NEGR1: variants seen among roughly 807,000 people sequenced by gnomAD.
NEGR1 encodes neuronal growth regulator 1.
A neutral mutation model predicts 40.9 loss-of-function variants in NEGR1; 10 were observed. The observed-to-expected ratio is 0.24, with a 90% CI of 0.15 to 0.42. NEGR1 has a LOEUF of 0.42. NEGR1 is among the 10% of genes least tolerant of loss of function. The pLI is 1.00. For missense variants in NEGR1, 352 were observed against 438.9 expected, an observed-to-expected ratio of 0.80 and a Z score of 1.77; for synonymous variants, 185 against 166.8, an observed-to-expected ratio of 1.11 and a Z score of -0.84.
chr1:71,593,153 T>C (rs1289326183), intron 5 of NEGR1, among the ~76,000 whole-genome samples, 185 bp from the exon 6 acceptor site: 1 of 152,186 alleles, frequency 6.6e-6, no homozygotes, highest in African/African-American at 2.4e-5. Flanking sequence ...TGAGGTTGCA[T>C]GTCAGCTGTA....
intron 1 of NEGR1, among the ~76,000 whole-genome samples, chr1:72,013,248 A>G (rs1208142025): frequency 6.6e-6 from 1 of 152,028 alleles, no homozygotes; most frequent in African/African-American, 2.4e-5. Flanking sequence ...ATCCATCCAG[A>G]TGTGGTTACA....
intron 4 of NEGR1, among the ~76,000 whole-genome samples, chr1:71,616,376 G>A (rs1570110299): frequency 6.6e-6 from 1 of 152,316 alleles, no homozygotes; most frequent in Admixed American, 6.5e-5. Context: ...GGGATCTAAG[G>A]TGCACACTCC....
At chr1:71,788,176 T>A (rs1570347351) in intron 2 of NEGR1, among the ~76,000 whole-genome samples, 1 of 152,108 alleles carries the variant, frequency 6.6e-6, no homozygotes, top group Non-Finnish European at 1.5e-5. Context: ...TTTAAAAAAA[T>A]ATTACAAACA....
chr1:71,732,917 A>G (rs1244769106), intron 3 of NEGR1, among the ~76,000 whole-genome samples: 1 of 152,194 alleles, frequency 6.6e-6, no homozygotes, highest in Non-Finnish European at 1.5e-5. Context: ...TCGATTTTCA[A>G]ATAAACCTGG....
At chr1:71,558,064 T>A (rs1358797008) in intron 6 of NEGR1, among the ~76,000 whole-genome samples, 1 of 151,558 alleles carries the variant, frequency 6.6e-6, no homozygotes, top group African/African-American at 2.4e-5. Flanking sequence ...CCCTTCTTTA[T>A]CATATTAAGG....
At chr1:71,972,113 C>G (rs940564304) in intron 1 of NEGR1, among the ~76,000 whole-genome samples, 2 of 152,110 alleles carry the variant, frequency 1.3e-5, no homozygotes, top group African/African-American at 4.8e-5. Context: ...TAATTGTATG[C>G]TAGTCATAAA....
intron 2 of NEGR1, among the ~76,000 whole-genome samples, chr1:71,884,677 A>C (rs1405869702): frequency 6.6e-6 from 1 of 152,190 alleles, no homozygotes; most frequent in Non-Finnish European, 1.5e-5. Context: ...TAGATGACAC[A>C]CTTGCCACTT....
chr1:72,119,368 G>T lies in NEGR1; in HGVS notation c.176+162951C>A, dbSNP rs139358160. ...ACTGCTTTTTCTTTTGTTTCTAATT[G>T]AGTAGTATATGGTCTGTATGAGACA... On this transcript the variant is annotated intron_variant, in intron 1 of 6. Coordinates refer to ENST00000357731, the MANE Select transcript of NEGR1 (RefSeq NM_173808.3). Among the ~76,000 whole-genome samples, 849 of 151,962 alleles carry T rather than the reference G, an allele frequency of 5.6e-3. 5 individuals carry two copies. The highest frequency in any genetic ancestry group is 0.019 in the African/African-American group (809 of 41,500).
At chr1:72,267,755 CATA>C (rs939174731) in intron 1 of NEGR1, among the ~76,000 whole-genome samples, 16 of 151,148 alleles carry the variant, frequency 1.1e-4, no homozygotes, top group Middle Eastern at 3.2e-3. Flanking sequence ...GTCCCTTACA[CATA>C]TTTCAACCAA....
intron 3 of NEGR1, among the ~76,000 whole-genome samples, chr1:71,704,553 C>T (rs1653821588): frequency 6.6e-6 from 1 of 151,264 alleles, no homozygotes; most frequent in Non-Finnish European, 1.5e-5. Flanking sequence ...ATTAAGTGTA[C>T]AAATTTTTTG....
chr1:71,795,672 A>T (rs1464000896), intron 2 of NEGR1, among the ~76,000 whole-genome samples: 1 of 152,208 alleles, frequency 6.6e-6, no homozygotes, highest in Non-Finnish European at 1.5e-5. Flanking sequence ...GTATAATATA[A>T]TCTTCAACTG....
intron 2 of NEGR1, among the ~76,000 whole-genome samples, chr1:71,856,656 C>T (rs1263800012): frequency 6.6e-6 from 1 of 152,042 alleles, no homozygotes; most frequent in Non-Finnish European, 1.5e-5. Context: ...TATCATCTGT[C>T]TACCCATCCA....
At chr1:72,269,647 G>C (rs1227914286) in intron 1 of NEGR1, among the ~76,000 whole-genome samples, 1 of 151,582 alleles carries the variant, frequency 6.6e-6, no homozygotes, top group East Asian at 1.9e-4. Context: ...TCATTGCAGT[G>C]ACCAATACAT....
intron 4 of NEGR1, among the ~76,000 whole-genome samples, chr1:71,648,048 T>A (rs1651590914): frequency 6.6e-6 from 1 of 151,986 alleles, no homozygotes; most frequent in African/African-American, 2.4e-5. Context: ...ATTTAATATA[T>A]CCTACTAGTT....
intron 4 of NEGR1, among the ~76,000 whole-genome samples, chr1:71,627,853 A>T (rs1650838213): frequency 6.6e-6 from 1 of 152,068 alleles, no homozygotes; most frequent in Non-Finnish European, 1.5e-5. Flanking sequence ...AAACTGTCTA[A>T]AATGAATTGT....
chr1:72,224,790 T>C (rs777235869), intron 1 of NEGR1, among the ~76,000 whole-genome samples: 1 of 152,062 alleles, frequency 6.6e-6, no homozygotes, highest in Non-Finnish European at 1.5e-5. Context: ...TACTTGAATT[T>C]TTTTGCCTGA....
chr1:71,678,066 GATGACAGATC>G (rs67840181), intron 4 of NEGR1, among the ~76,000 whole-genome samples: 149,329 of 151,858 alleles, frequency 0.98, 73,460 homozygotes, highest in Middle Eastern at 1. Context: ...GCAGATACAT[GATGACAGATC>G]ATGACAGATC....
At position 71,682,541 on chromosome 1, in the gene NEGR1, GGTTTTT is replaced by G. The variant is rs148572836; in HGVS notation, c.667+15461_667+15466del. 6.0e-3 allele frequency among the ~76,000 whole-genome samples: 907 copies of G among 152,128 alleles called. 14 individuals carry two copies. Among genetic ancestry groups the G allele is most frequent in the African/African-American group, 0.02 (843 of 41,500 alleles). ...GTTGTATTTCTTCAGAGATTTATGAGGTTTTTGTTTTTGTTTTGTTTTGTGAGTTTC... is the reference window on the plus strand; with the variant it reads ...GTTGTATTTCTTCAGAGATTTATGAGGTTTTTGTTTTGTTTTGTGAGTTTC... On this transcript the variant is annotated intron_variant, in intron 4 of 6. Transcript: ENST00000357731.
chr1:71,885,107 T>G (rs1660689959), intron 2 of NEGR1, among the ~76,000 whole-genome samples: 1 of 152,196 alleles, frequency 6.6e-6, no homozygotes, highest in African/African-American at 2.4e-5. Flanking sequence ...ACCTGGGTGA[T>G]TCTAAGGATG....
Sources: allele counts gnomAD v4.1 joint callset (sites outside exome capture counted in the v4.1 genomes callset), GRCh38; gene constraint gnomAD v4.1.1; transcripts MANE v1.5; gene names NCBI Gene and HGNC (gene_info 2026-07-23, HGNC 2026-07-21).